Variants in EHMT1 observed in about 807,000 individuals in gnomAD.
EHMT1 encodes the protein euchromatic histone lysine methyltransferase 1.
Under a neutral mutation model 147.2 loss-of-function variants are expected in EHMT1, and 15 were observed. The observed-to-expected ratio is 0.10, with a 90% CI of 0.07 to 0.16. The LOEUF (loss-of-function observed/expected upper bound fraction) is 0.16, where lower values mean the gene tolerates loss of function less well. EHMT1 is among the 10% of genes least tolerant of loss of function. EHMT1 has a pLI of 1.00. For synonymous variants in EHMT1, 795 were observed against 709.6 expected, an observed-to-expected ratio of 1.12 and a Z score of -1.91; for missense variants, 1,587 against 1,772.4, an observed-to-expected ratio of 0.90 and a Z score of 1.88.
chr9:137,679,892 C>T (rs1008357900), intron 1 of EHMT1, among the ~76,000 whole-genome samples: 3 of 151,968 alleles, frequency 2.0e-5, no homozygotes, highest in Non-Finnish European at 4.4e-5. Flanking sequence ...GTATTTTTTC[C>T]TGCTGTTTTT....
At chr9:137,735,168 CA>C (rs1431933647) in intron 4 of EHMT1, among the ~76,000 whole-genome samples, 4 of 152,150 alleles carry the variant, frequency 2.6e-5, no homozygotes, top group African/African-American at 9.7e-5. Flanking sequence ...TCCTACATAA[CA>C]AGAGACTAAT....
intron 2 of EHMT1, chr9:137,715,668 G>A: frequency 1.0e-6 from 1 of 985,408 alleles, no homozygotes; most frequent in Non-Finnish European, 1.2e-6. Context: ...GTAAAATAGT[G>A]TCTCCTTGAC....
At chr9:137,802,466 A>G (rs1384711841) in intron 18 of EHMT1, 2 of 398,552 alleles carry the variant, frequency 5.0e-6, no homozygotes, top group Non-Finnish European at 4.4e-6. Flanking sequence ...CTAAATTGAT[A>G]ATAAGAAAGA....
At chr9:137,724,977 T>G (rs146669408) in intron 3 of EHMT1, among the ~76,000 whole-genome samples, 18 of 142,536 alleles carry the variant, frequency 1.3e-4, no homozygotes, top group African/African-American at 3.7e-4. Context: ...GGCATTCGTG[T>G]GGCAGACGTG....
At chr9:137,770,026 A>G (rs1260388730) in intron 10 of EHMT1, among the ~76,000 whole-genome samples, 3 of 152,066 alleles carry the variant, frequency 2.0e-5, no homozygotes, top group Non-Finnish European at 4.4e-5. Context: ...TAGTAGAGAC[A>G]GGGTTTTGTC....
At chr9:137,793,624 G>A (rs1388419929) in intron 16 of EHMT1, among the ~76,000 whole-genome samples, 4 of 152,250 alleles carry the variant, frequency 2.6e-5, no homozygotes, top group Admixed American at 2.0e-4. Flanking sequence ...CACAGTAGCT[G>A]AAGGACAGAA....
chr9:137,719,860 C>T (rs1588350872), intron 3 of EHMT1, among the ~76,000 whole-genome samples: 1 of 148,338 alleles, frequency 6.7e-6, no homozygotes, highest in Admixed American at 6.7e-5. Flanking sequence ...GCCGAACCCC[C>T]TCCACACCAG....
intron 1 of EHMT1, among the ~76,000 whole-genome samples, chr9:137,656,169 C>T (rs1394765887): frequency 6.6e-6 from 1 of 152,142 alleles, no homozygotes; most frequent in African/African-American, 2.4e-5. Flanking sequence ...CACCTGAGGT[C>T]AGGAGTTAGA....
intron 18 of EHMT1, among the ~76,000 whole-genome samples, chr9:137,805,089 A>G (rs1022473053): frequency 1.3e-5 from 2 of 148,178 alleles, no homozygotes; most frequent in African/African-American, 2.6e-5. Context: ...TCCACATGTG[A>G]GAGTCTGCAT....
At chr9:137,827,847 A>C (rs1955919046) in intron 25 of EHMT1, among the ~76,000 whole-genome samples, 1 of 151,398 alleles carries the variant, frequency 6.6e-6, no homozygotes, top group South Asian at 2.1e-4. Context: ...GCTTGCCCGA[A>C]ACCTAGGTGG....
chr9:137,811,551 G>C lies in EHMT1; in HGVS notation c.2803G>C (p.Val935Leu). ...LLAAKCDLHA[V>L]NIHGDSPLHI... ...GGCTGCCAAGTGCGACCTCCACGCC[G>C]TGAACATCCACGGAGACTCGCCACT... is the stretch of plus-strand genomic sequence containing the variant. The change falls in exon 19 of 27, where the codon GTG (valine) becomes CTG (leucine). Residue 935 changes from valine (V) to leucine (L), a missense_variant. Transcript: ENST00000460843. 1 of 1,609,106 alleles carries C rather than the reference G, an allele frequency of 6.2e-7. No individual in the cohort carries two copies. Among genetic ancestry groups the C allele is most frequent in the South Asian group, 1.1e-5 (1 of 91,086 alleles).
At chr9:137,740,876 C>T (rs772171220) in intron 4 of EHMT1, among the ~76,000 whole-genome samples, 6 of 152,060 alleles carry the variant, frequency 3.9e-5, no homozygotes, top group Non-Finnish European at 5.9e-5. Context: ...GATCTCGGCT[C>T]ACTGCAAGCT....
intron 10 of EHMT1, among the ~76,000 whole-genome samples, chr9:137,765,076 C>T (rs1950128001): frequency 1.3e-5 from 2 of 152,262 alleles, no homozygotes; most frequent in African/African-American, 4.8e-5. Flanking sequence ...CGGCGGCCGC[C>T]TGTCCGCCCG....
intron 1 of EHMT1, among the ~76,000 whole-genome samples, chr9:137,644,761 GCA>G (rs1160825098): frequency 5.9e-5 from 9 of 152,158 alleles, no homozygotes; most frequent in Non-Finnish European, 1.3e-4. Context: ...TGTTTCCAAA[GCA>G]CCTTGTCTTT....
intron 17 of EHMT1, chr9:137,800,374 C>T (rs1030780919): frequency 2.3e-5 from 4 of 177,686 alleles, no homozygotes; most frequent in African/African-American, 9.5e-5. Context: ...GTCTCCCACC[C>T]ACAGTTCCCA....
intron 3 of EHMT1, among the ~76,000 whole-genome samples, chr9:137,722,397 G>A (rs1487524341): frequency 6.6e-6 from 1 of 152,358 alleles, no homozygotes; most frequent in East Asian, 1.9e-4. Context: ...AGGCTGGTCT[G>A]TTGTAGGAAA....
intron 1 of EHMT1, among the ~76,000 whole-genome samples, chr9:137,627,022 A>G (rs1251122533): frequency 4.6e-5 from 7 of 152,076 alleles, no homozygotes; most frequent in African/African-American, 9.7e-5. Flanking sequence ...CAGTGGCCCC[A>G]TCTCAGCTCA....
chr9:137,831,305 T>C (rs1475899391), intron 25 of EHMT1, among the ~76,000 whole-genome samples: 1 of 152,206 alleles, frequency 6.6e-6, no homozygotes, highest in Non-Finnish European at 1.5e-5. Context: ...TGGTAGAGTG[T>C]AGATAGTGCA....
At chr9:137,810,822 C>T (rs1015742259) in intron 18 of EHMT1, among the ~76,000 whole-genome samples, 1 of 152,002 alleles carries the variant, frequency 6.6e-6, no homozygotes, top group Admixed American at 6.6e-5. Context: ...GCCTCAGCCT[C>T]GCAAGTAGCT....
Sources: allele counts gnomAD v4.1 joint callset (sites outside exome capture counted in the v4.1 genomes callset), GRCh38; gene constraint gnomAD v4.1.1; transcripts MANE v1.5; gene names NCBI Gene and HGNC (gene_info 2026-07-23, HGNC 2026-07-21).